The following LTBP1 variants were observed in gnomAD, a reference collection of about 807,000 sequenced individuals.
LTBP1 encodes the protein latent-transforming growth factor beta-binding protein 1.
LTBP1 carries 129 observed loss-of-function variants against 207.6 expected under a neutral mutation model. That is an observed-to-expected ratio of 0.62 (90% CI 0.54 to 0.72). The LOEUF (loss-of-function observed/expected upper bound fraction) is 0.72. Among genes scored for constraint, LTBP1 ranks in the 30% least tolerant of loss-of-function variants. The pLI is 0.00. For missense variants in LTBP1, 2,281 were observed against 2,217.2 expected (o/e 1.03, Z -0.58); for synonymous variants, 963 against 833.7 (o/e 1.16, Z -2.67).
chr2:32,992,119 T>C (rs928721887), intron 2 of LTBP1, among the ~76,000 whole-genome samples: 4 of 152,164 alleles, frequency 2.6e-5, no homozygotes, highest in African/African-American at 9.6e-5. Context: ...TGAGAATCAG[T>C]TACATGCAAG....
chr2:33,145,265 G>GA (rs35414997), intron 5 of LTBP1, among the ~76,000 whole-genome samples: 2,436 of 145,220 alleles, frequency 0.017, 25 homozygotes, highest in East Asian at 0.023. Context: ...TGGTTGGGGA[G>GA]AAAAAAAAAA....
chr2:33,025,726 A>G (rs2075383383), intron 3 of LTBP1, among the ~76,000 whole-genome samples: 1 of 152,202 alleles, frequency 6.6e-6, no homozygotes, highest in Non-Finnish European at 1.5e-5. Flanking sequence ...AAATGATATG[A>G]TATATGAGAT....
intron 5 of LTBP1, among the ~76,000 whole-genome samples, chr2:33,177,814 A>T (rs1442657510): frequency 6.6e-6 from 1 of 152,240 alleles, no homozygotes; most frequent in African/African-American, 2.4e-5. Flanking sequence ...TACCTGTATG[A>T]AGGCTGTGTA....
At chr2:33,069,683 T>C (rs562694863) in intron 3 of LTBP1, among the ~76,000 whole-genome samples, 1 of 152,370 alleles carries the variant, frequency 6.6e-6, no homozygotes, top group Admixed American at 6.5e-5. Context: ...AAAACAAAGT[T>C]GAAGAGAACA....
chr2:33,121,159 C>CTTTTTTTTTTTTTTTTTTTTTTTTT (rs61065486), intron 4 of LTBP1, among the ~76,000 whole-genome samples: 4 of 87,536 alleles, frequency 4.6e-5, no homozygotes, highest in Admixed American at 2.8e-4. Context: ...TTTGTAAAGT[C>CTTTTTTTTTTTTTTTTTTTTTTTTT]TTTTTTTTTT....
chr2:33,100,844 A>G (rs954757628), intron 3 of LTBP1, among the ~76,000 whole-genome samples: 2 of 152,242 alleles, frequency 1.3e-5, no homozygotes, highest in East Asian at 3.8e-4. Flanking sequence ...GATGTTTTCA[A>G]GGTTCATCTG....
chr2:33,143,787 G>GT lies in LTBP1; in HGVS notation c.1201+8841dup, dbSNP rs78245020. The stretch of plus-strand genomic sequence containing the variant: ...AGTTCTGCCTGTGCTGTTTTTTGTT[G>GT]TTTTTTTTTTTTTTCTTTCCTATTA... On this transcript the variant is annotated intron_variant, in intron 5 of 33. Coordinates refer to ENST00000404816, the MANE Select transcript of LTBP1 (RefSeq NM_206943.4). Among the ~76,000 whole-genome samples, 533 of 141,738 alleles carry GT rather than the reference G, an allele frequency of 3.8e-3. 1 individual carries two copies. The highest frequency in any genetic ancestry group is 0.017 in the South Asian group (77 of 4,432). The allele number at this position is 141,738 out of a possible 152,430, so 93.0% of individuals were successfully genotyped here.
chr2:33,347,537 G>A (rs538820223), intron 26 of LTBP1, 27 bp downstream of exon 26: 1 of 1,613,162 alleles, frequency 6.2e-7, no homozygotes, highest in Non-Finnish European at 8.5e-7. Flanking sequence ...CTGTGCAAGG[G>A]AATGACAGGC....
chr2:32,977,647 G>A (rs1230246974), intron 2 of LTBP1, among the ~76,000 whole-genome samples: 1 of 152,162 alleles, frequency 6.6e-6, no homozygotes. Flanking sequence ...GGGCCTAGAA[G>A]GATTCTCCCA....
intron 3 of LTBP1, among the ~76,000 whole-genome samples, chr2:33,098,577 C>T (rs894900889): frequency 1.3e-5 from 2 of 151,816 alleles, no homozygotes; most frequent in African/African-American, 2.4e-5. Flanking sequence ...GGACTACAGG[C>T]GCATGCCACC....
At chr2:33,074,630 G>T (rs1366044682) in intron 3 of LTBP1, among the ~76,000 whole-genome samples, 4 of 152,108 alleles carry the variant, frequency 2.6e-5, no homozygotes, top group Non-Finnish European at 4.4e-5. Context: ...AGCACTTTGG[G>T]AAGGCCGAGG....
chr2:33,017,690 C>T (rs938418631), intron 2 of LTBP1, among the ~76,000 whole-genome samples: 1 of 152,198 alleles, frequency 6.6e-6, no homozygotes, highest in Non-Finnish European at 1.5e-5. Flanking sequence ...TATCTCGGCT[C>T]ACTGCAAGCT....
At chr2:33,331,964 G>A (rs894314159) in intron 24 of LTBP1, among the ~76,000 whole-genome samples, 1 of 151,882 alleles carries the variant, frequency 6.6e-6, no homozygotes, top group South Asian at 2.1e-4. Context: ...ATAATTATCA[G>A]TAGCATTTTA....
At position 32,987,855 on chromosome 2, in the gene LTBP1, C is replaced by T. The variant is rs564846654; in HGVS notation, c.566-33054C>T. On this transcript the variant is annotated intron_variant, in intron 2 of 33. Coordinates refer to ENST00000404816, the MANE Select transcript of LTBP1 (RefSeq NM_206943.4). ...AGATACCAGCTCCTAATGCCTGGAGCCTATGAATGATACCTTATGGCACAA... is the reference window on the plus strand; with the variant it reads ...AGATACCAGCTCCTAATGCCTGGAGTCTATGAATGATACCTTATGGCACAA... 7.9e-5 allele frequency among the ~76,000 whole-genome samples: 12 copies of T among 152,220 alleles called. No individual in the cohort carries two copies. In the East Asian group the frequency reaches 2.1e-3, roughly 27 times the overall value.
At chr2:33,155,223 G>A (rs1473810565) in intron 5 of LTBP1, among the ~76,000 whole-genome samples, 1 of 152,036 alleles carries the variant, frequency 6.6e-6, no homozygotes, top group South Asian at 2.1e-4. Flanking sequence ...GCGCCACCAT[G>A]CCTGGCTAAT....
At chr2:33,065,527 G>A (rs547426318) in intron 3 of LTBP1, among the ~76,000 whole-genome samples, 6 of 152,030 alleles carry the variant, frequency 3.9e-5, no homozygotes, top group Non-Finnish European at 8.8e-5. Context: ...TACATCCTGG[G>A]TGACAGAGTA....
intron 11 of LTBP1, among the ~76,000 whole-genome samples, chr2:33,256,787 C>T (rs1455424806): frequency 1.0e-5 from 1 of 96,402 alleles, no homozygotes; most frequent in South Asian, 3.8e-4. Flanking sequence ...TAGTTACCCT[C>T]TGTATCCATG....
At chr2:33,289,017 C>T (rs938804389) in intron 19 of LTBP1, among the ~76,000 whole-genome samples, 15 of 152,136 alleles carry the variant, frequency 9.9e-5, no homozygotes, top group Non-Finnish European at 1.9e-4. Context: ...AGTCAGGATT[C>T]GTTAAGGATA....
chr2:32,966,768 C>A (rs1166320260), intron 2 of LTBP1, among the ~76,000 whole-genome samples: 2 of 152,074 alleles, frequency 1.3e-5, no homozygotes, highest in African/African-American at 2.4e-5. Flanking sequence ...TTGTTGCATT[C>A]AAATTTGCTA....
Sources: allele counts gnomAD v4.1 joint callset (sites outside exome capture counted in the v4.1 genomes callset), GRCh38; gene constraint gnomAD v4.1.1; transcripts MANE v1.5; gene names NCBI Gene and HGNC (gene_info 2026-07-23, HGNC 2026-07-21).